The following TRPC7 variants were observed in gnomAD, a reference collection of about 807,000 sequenced individuals.
The protein encoded by TRPC7 is transient receptor potential cation channel subfamily C member 7.
A neutral mutation model predicts 90.1 loss-of-function variants in TRPC7; 42 were observed. The observed-to-expected ratio is 0.47, with a 90% CI of 0.36 to 0.60. The LOEUF is 0.60. TRPC7 is among the 20% of genes least tolerant of loss of function. TRPC7 has a pLI of 0.00. For synonymous variants in TRPC7, 451 were observed against 436.3 expected (o/e 1.03, Z -0.42); for missense variants, 955 against 1,112.3 (o/e 0.86, Z 2.01).
intron 3 of TRPC7, among the ~76,000 whole-genome samples, chr5:136,277,112 G>A (rs1757389679): frequency 6.6e-6 from 1 of 152,178 alleles, no homozygotes; most frequent in Admixed American, 6.5e-5. Context: ...CCTCTCCCAT[G>A]CTTCTGCTGC....
At chr5:136,298,182 G>A (rs536156936) in intron 3 of TRPC7, among the ~76,000 whole-genome samples, 8 of 152,268 alleles carry the variant, frequency 5.3e-5, no homozygotes, top group Admixed American at 1.3e-4. Flanking sequence ...CATTCAGATC[G>A]GGTGGTCAGG....
chr5:136,230,809 C>T (rs1218133135), intron 8 of TRPC7, among the ~76,000 whole-genome samples: 2 of 152,134 alleles, frequency 1.3e-5, no homozygotes, highest in African/African-American at 4.8e-5. Context: ...GAAGCTTCCC[C>T]CATAGTCAAT....
intron 3 of TRPC7, among the ~76,000 whole-genome samples, chr5:136,296,695 G>A (rs1013757378): frequency 1.3e-5 from 2 of 152,130 alleles, no homozygotes; most frequent in African/African-American, 2.4e-5. Context: ...GGAAAAAAAT[G>A]GAAACCTGTA....
chr5:136,264,137 G>A (rs1756949948), intron 5 of TRPC7, among the ~76,000 whole-genome samples: 2 of 152,204 alleles, frequency 1.3e-5, no homozygotes, highest in Non-Finnish European at 2.9e-5. Context: ...CAGGGACTAA[G>A]CTATACAAGT....
At chr5:136,339,327 C>T (rs1207550342) in intron 2 of TRPC7, among the ~76,000 whole-genome samples, 1 of 152,092 alleles carries the variant, frequency 6.6e-6, no homozygotes, top group African/African-American at 2.4e-5. Context: ...CTTTGTAAAC[C>T]TAATAAATTG....
rs558430056 is a variant in TRPC7, at chr5:136,340,506, T to C, written c.780+16102A>G. On this transcript the variant is annotated intron_variant, in intron 2 of 11. Coordinates refer to ENST00000513104, the MANE Select transcript of TRPC7 (RefSeq NM_020389.3). ...TGATTAATATCTTAATTAACCTGAT[T>C]TGATCATTATATAATGTATACACAT... is the stretch of plus-strand genomic sequence containing the variant. Among the ~76,000 whole-genome samples, 6 of 152,262 alleles carry C rather than the reference T, an allele frequency of 3.9e-5. No individual in the cohort carries two copies. In the South Asian group the frequency reaches 1.2e-3, roughly 32 times the overall value.
chr5:136,365,228 T>G, intron 1 of TRPC7, 25 bp downstream of exon 1: 1 of 1,536,788 alleles, frequency 6.5e-7, no homozygotes, highest in Non-Finnish European at 8.7e-7. Context: ...AAAATCAATA[T>G]GAAAGAACCA....
chr5:136,258,851 C>T (rs1756766772), intron 5 of TRPC7, among the ~76,000 whole-genome samples: 1 of 152,214 alleles, frequency 6.6e-6, no homozygotes, highest in African/African-American at 2.4e-5. Context: ...TCTCTGTTCT[C>T]TCAGGCCAAC....
At chr5:136,258,330 T>C (rs1229762302) in intron 5 of TRPC7, among the ~76,000 whole-genome samples, 1 of 152,186 alleles carries the variant, frequency 6.6e-6, no homozygotes, top group Non-Finnish European at 1.5e-5. Flanking sequence ...ATTAAGTATT[T>C]TAGTGAGTGA....
intron 4 of TRPC7, among the ~76,000 whole-genome samples, chr5:136,270,851 T>C (rs1024022159): frequency 2.0e-5 from 3 of 152,212 alleles, no homozygotes; most frequent in African/African-American, 7.2e-5. Context: ...AACAGAAGCA[T>C]TGGTGACATA....
At chr5:136,252,057 GACT>G (rs1756539400) in intron 5 of TRPC7, among the ~76,000 whole-genome samples, 175 bp from the exon 6 acceptor site, 1 of 152,214 alleles carries the variant, frequency 6.6e-6, no homozygotes, top group Admixed American at 6.5e-5. Flanking sequence ...AGACCCAGGA[GACT>G]CAGAGACTTG....
intron 7 of TRPC7, among the ~76,000 whole-genome samples, chr5:136,240,249 GA>G (rs1756118370): frequency 6.6e-6 from 1 of 152,126 alleles, no homozygotes; most frequent in Non-Finnish European, 1.5e-5. Context: ...AGCCTTCTCT[GA>G]CTGCCAGGTA....
intron 2 of TRPC7, among the ~76,000 whole-genome samples, chr5:136,355,664 G>T (rs537513065): frequency 2.0e-5 from 3 of 152,180 alleles, no homozygotes; most frequent in East Asian, 1.9e-4. Context: ...TGGACATGGT[G>T]GTGGGCACCT....
intron 3 of TRPC7, among the ~76,000 whole-genome samples, chr5:136,299,385 G>A (rs1758300912): frequency 6.6e-6 from 1 of 151,030 alleles, no homozygotes; most frequent in Non-Finnish European, 1.5e-5. Flanking sequence ...GTGTGGTGGA[G>A]GAGGAGGAGG....
intron 7 of TRPC7, among the ~76,000 whole-genome samples, chr5:136,245,674 C>G (rs1343581058): frequency 6.6e-6 from 1 of 152,160 alleles, no homozygotes; most frequent in Non-Finnish European, 1.5e-5. Flanking sequence ...GAAAACCTGA[C>G]TATCCTCCTT....
intron 8 of TRPC7, among the ~76,000 whole-genome samples, chr5:136,228,639 GGAGTTGAATGGAGAGGCAGGTGCAGGT>G (rs1755714033): frequency 6.6e-6 from 1 of 151,928 alleles, no homozygotes; most frequent in Non-Finnish European, 1.5e-5. Flanking sequence ...TGGGGTGGGG[GGAGTTGAATGGAGAGGCAGGTGCAGGT>G]GAGTTGTGGA....
At chr5:136,316,331 G>A (rs1759025743) in intron 2 of TRPC7, among the ~76,000 whole-genome samples, 1 of 152,178 alleles carries the variant, frequency 6.6e-6, no homozygotes, top group Non-Finnish European at 1.5e-5. Flanking sequence ...TTACTGGAAA[G>A]ATGGATAATA....
chr5:136,297,769 A>G (rs1758232552), intron 3 of TRPC7, among the ~76,000 whole-genome samples: 1 of 152,226 alleles, frequency 6.6e-6, no homozygotes, highest in Non-Finnish European at 1.5e-5. Flanking sequence ...GACAATAGTC[A>G]TAGGACCTCA....
In TRPC7 at chr5:136,235,029, G is replaced by C. The variant is rs570734004; in HGVS notation, c.1845-3480C>G. ...GTAAAAACACTAGAATAAAGTATTG[G>C]TGAGAATTTATTACATAATTCTGGG... On this transcript the variant is annotated intron_variant, in intron 7 of 11. Transcript: ENST00000513104. Among the ~76,000 whole-genome samples the C allele has an allele frequency of 1.4e-3, 216 of 152,278 alleles. 1 individual carries two copies. The highest frequency in any genetic ancestry group is 4.7e-3 in the African/African-American group (196 of 41,558).
Sources: gnomAD v4.1 joint callset for allele counts (sites outside exome capture counted in the v4.1 genomes callset) on GRCh38, gnomAD v4.1.1 for gene constraint, MANE v1.5 for transcripts, NCBI Gene and HGNC (gene_info 2026-07-23, HGNC 2026-07-21) for gene names.